Variants in SPON1 observed in about 807,000 individuals in gnomAD.
SPON1 encodes spondin 1.
A neutral mutation model predicts 111.7 loss-of-function variants in SPON1; 52 were observed. The observed-to-expected ratio is 0.47, with a 90% CI of 0.37 to 0.59. The LOEUF (loss-of-function observed/expected upper bound fraction) is 0.59, where lower values mean the gene tolerates loss of function less well. SPON1 is among the 20% of genes least tolerant of loss of function. The pLI is 0.00. For missense variants in SPON1, 957 were observed against 1,068.5 expected, an observed-to-expected ratio of 0.90 and a Z score of 1.46; for synonymous variants, 410 against 395.8, an observed-to-expected ratio of 1.04 and a Z score of -0.43.
At chr11:14,195,525 A>G (rs1554934968) in intron 6 of SPON1, among the ~76,000 whole-genome samples, 4 of 152,214 alleles carry the variant, frequency 2.6e-5, no homozygotes, top group Non-Finnish European at 5.9e-5. Context: ...AATTATGCCC[A>G]TGAGCATAAT....
At chr11:14,038,593 A>T (rs1292160091) in intron 2 of SPON1, among the ~76,000 whole-genome samples, 4 of 152,260 alleles carry the variant, frequency 2.6e-5, no homozygotes, top group African/African-American at 9.6e-5. Context: ...AAGTAAGCAA[A>T]TAAAAATATG....
chr11:14,262,996 C>G (rs1203729317), intron 15 of SPON1, 21 bp downstream of exon 15: 1 of 1,609,186 alleles, frequency 6.2e-7, no homozygotes, highest in African/African-American at 1.3e-5. Flanking sequence ...CAAGTGTCAG[C>G]CTGGGTGGTC....
chr11:14,205,950 C>T lies in SPON1; in HGVS notation c.826-37382C>T, dbSNP rs140542495. On this transcript the variant is annotated intron_variant, in intron 6 of 15. Coordinates refer to ENST00000576479, the MANE Select transcript of SPON1 (RefSeq NM_006108.4). Reference sequence around the variant, plus strand: ...ATAGTTCCCAACACTTGCTACTTTCCCCATCCATCTTCACCTGCTTGATTC... The same window carrying T: ...ATAGTTCCCAACACTTGCTACTTTCTCCATCCATCTTCACCTGCTTGATTC... 5.1e-3 allele frequency among the ~76,000 whole-genome samples: 772 copies of T among 152,180 alleles called. 9 individuals are homozygous for T. Among genetic ancestry groups the T allele is most frequent in the African/African-American group, 0.018 (745 of 41,516 alleles).
chr11:14,065,200 G>A (rs770955505), intron 3 of SPON1, among the ~76,000 whole-genome samples: 13 of 152,138 alleles, frequency 8.5e-5, no homozygotes, highest in Admixed American at 1.3e-4. Flanking sequence ...CAGGTGGCCC[G>A]CCCTCAAGGA....
At chr11:14,208,624 T>G (rs1306544069) in intron 6 of SPON1, among the ~76,000 whole-genome samples, 1 of 152,218 alleles carries the variant, frequency 6.6e-6, no homozygotes, top group Non-Finnish European at 1.5e-5. Context: ...CTTTGATTGC[T>G]CTATGTATTT....
chr11:14,096,006 C>G (rs1272614837), intron 5 of SPON1, among the ~76,000 whole-genome samples: 2 of 152,222 alleles, frequency 1.3e-5, no homozygotes, highest in African/African-American at 4.8e-5. Flanking sequence ...TTGCTGCTGC[C>G]ACCAGGCTGA....
At chr11:14,180,279 CAGTGTA>C (rs1554933568) in intron 6 of SPON1, among the ~76,000 whole-genome samples, 1 of 152,218 alleles carries the variant, frequency 6.6e-6, no homozygotes, top group African/African-American at 2.4e-5. Context: ...TTAAATTTGT[CAGTGTA>C]ATACACAAAA....
At chr11:14,229,223 C>T (rs1359229429) in intron 6 of SPON1, among the ~76,000 whole-genome samples, 6 of 152,196 alleles carry the variant, frequency 3.9e-5, no homozygotes, top group Non-Finnish European at 5.9e-5. Flanking sequence ...CATACTATGA[C>T]GTGGGTACTT....
At chr11:13,963,176 G>C (rs1455454235) in intron 1 of SPON1, 34 bp downstream of exon 1, 2 of 1,416,288 alleles carry the variant, frequency 1.4e-6, no homozygotes, top group Non-Finnish European at 1.9e-6. Flanking sequence ...TTAGGAGAGC[G>C]GGACCCGGTC....
At chr11:14,188,399 C>A (rs1313099230) in intron 6 of SPON1, among the ~76,000 whole-genome samples, 2 of 152,114 alleles carry the variant, frequency 1.3e-5, no homozygotes, top group African/African-American at 2.4e-5. Context: ...CAGGAAGACA[C>A]AATTTGCACC....
Position 14,262,598 on chromosome 11 carries a change from T to A in SPON1, c.1997-114T>A, listed in dbSNP as rs76570052. The A allele has an allele frequency of 1.9e-3, 2,603 of 1,363,352 alleles. 43 individuals carry two copies. The African/African-American group carries it at 0.034, about 18-fold the overall frequency. The allele number at this position is 1,363,352 out of a possible 1,614,324, so 84.5% of individuals were successfully genotyped here. ...CAGTTTCTTCTTCTGTAAAATAGCA[T>A]GACACAGCACCTGCTTTGCATCCCT... On this transcript the variant is annotated intron_variant, in intron 14 of 15. Coordinates refer to ENST00000576479, the MANE Select transcript of SPON1 (RefSeq NM_006108.4).
At chr11:14,160,511 ATATATATATTTACATATATATATT>A (rs1564918996) in intron 6 of SPON1, among the ~76,000 whole-genome samples, 1,840 of 15,574 alleles carry the variant, frequency 0.12, 475 homozygotes, top group East Asian at 0.36. Context: ...ATATATATTT[ATATATATATTTACATATATATATT>A]TATATATATA....
chr11:13,978,025 T>C (rs1171968072), intron 1 of SPON1, among the ~76,000 whole-genome samples: 3 of 152,176 alleles, frequency 2.0e-5, no homozygotes, highest in African/African-American at 4.8e-5. Context: ...CAATTACTTT[T>C]GCACCAACCT....
At chr11:14,194,632 A>G (rs185864465) in intron 6 of SPON1, among the ~76,000 whole-genome samples, 51 of 152,200 alleles carry the variant, frequency 3.4e-4, no homozygotes, top group Middle Eastern at 3.4e-3. Flanking sequence ...TTTCATTACA[A>G]GGGACCAATC....
Position 14,265,827 on chromosome 11 carries a change from G to GTCTCTGGCAT in SPON1, c.*140_*141insTCTCTGGCAT. The GTCTCTGGCAT allele has an allele frequency of 2.1e-6, 2 of 964,434 alleles. No homozygotes were observed. The highest frequency in any genetic ancestry group is 3.0e-6 in the Non-Finnish European group (2 of 659,478). 59.7% of individuals were successfully genotyped at this position (964,434 alleles called of 1,614,324 possible). On this transcript the variant is annotated 3_prime_UTR_variant, in exon 16 of 16. Transcript: ENST00000576479. ...TGGTTCGCCCAGTAGTCTTGTGGAT[G>GTCTCTGGCAT]CCAGAGACATCCTTTCTGAATACTT...
At chr11:13,987,766 A>C (rs1355193686) in intron 2 of SPON1, among the ~76,000 whole-genome samples, 1 of 152,244 alleles carries the variant, frequency 6.6e-6, no homozygotes, top group Non-Finnish European at 1.5e-5. Context: ...AGTTTTCTGC[A>C]TATGGCTAGC....
At chr11:14,123,700 C>T (rs1034486434) in intron 5 of SPON1, among the ~76,000 whole-genome samples, 20 of 152,206 alleles carry the variant, frequency 1.3e-4, no homozygotes, top group Admixed American at 3.9e-4. Flanking sequence ...TCCTCTCTGG[C>T]ATTCTAGCCC....
intron 5 of SPON1, among the ~76,000 whole-genome samples, chr11:14,131,369 G>A (rs1847527738): frequency 6.6e-6 from 1 of 152,144 alleles, no homozygotes; most frequent in South Asian, 2.1e-4. Context: ...ACACATAGGA[G>A]ATCATCATCC....
intron 3 of SPON1, among the ~76,000 whole-genome samples, chr11:14,062,129 T>A (rs182599774): frequency 5.3e-5 from 8 of 152,292 alleles, no homozygotes; most frequent in Admixed American, 1.3e-4. Context: ...CCTGTGTAAG[T>A]GACTCATCTT....
Sources: gnomAD v4.1 joint callset for allele counts (sites outside exome capture counted in the v4.1 genomes callset) on GRCh38, gnomAD v4.1.1 for gene constraint, MANE v1.5 for transcripts, NCBI Gene and HGNC (gene_info 2026-07-23, HGNC 2026-07-21) for gene names.